Variants in NRG1 observed in about 807,000 individuals in gnomAD.
NRG1 encodes the protein pro-neuregulin-1, membrane-bound isoform.
In NRG1, 18 loss-of-function variants were observed where a neutral mutation model predicts 63.8. That is an observed-to-expected ratio of 0.28 (90% confidence interval 0.19 to 0.42). NRG1 has a LOEUF of 0.42. Ranked by LOEUF, NRG1 falls within the 10% of genes least tolerant of loss-of-function variation. The pLI, the probability that NRG1 is intolerant of heterozygous loss-of-function variation, is 1.00. For synonymous variants in NRG1, 302 were observed against 301.3 expected, an observed-to-expected ratio of 1.00 and a Z score of -0.02; for missense variants, 762 against 814.7, an observed-to-expected ratio of 0.94 and a Z score of 0.79.
chr8:31,991,216 C>T (rs1811006590), intron 1 of NRG1, among the ~76,000 whole-genome samples: 1 of 151,878 alleles, frequency 6.6e-6, no homozygotes, highest in South Asian at 2.1e-4. Flanking sequence ...TAAACAAAGT[C>T]CCCCTCCTAC....
intron 1 of NRG1, among the ~76,000 whole-genome samples, chr8:32,463,835 G>A (rs118081648): frequency 0.021 from 2,698 of 129,442 alleles, 36 homozygotes; most frequent in Middle Eastern, 0.072. Context: ...AGCAAAGCAA[G>A]ACCATCTTCA....
intron 1 of NRG1, among the ~76,000 whole-genome samples, chr8:32,420,637 G>A (rs1683935728): frequency 1.3e-5 from 2 of 151,848 alleles, no homozygotes; most frequent in African/African-American, 2.4e-5. Context: ...TCCCATCAAT[G>A]GATGTGGAGT....
At chr8:32,689,712 T>C (rs1439848808) in intron 5 of NRG1, among the ~76,000 whole-genome samples, 1 of 152,034 alleles carries the variant, frequency 6.6e-6, no homozygotes, top group Non-Finnish European at 1.5e-5. Flanking sequence ...CATATACATA[T>C]TTATACATAT....
Position 32,549,620 on chromosome 8 carries a change from T to C in NRG1, c.100+794T>C, listed in dbSNP as rs1251610551. On this transcript the variant is annotated intron_variant, in intron 1 of 11. Coordinates refer to ENST00000356819, the Ensembl canonical transcript of NRG1. ...CGTTTATCTGAATTTTTGAACCCAA[T>C]TGTTTGCTGGTTATCTATATAATAA... 3.9e-5 allele frequency among the ~76,000 whole-genome samples: 6 copies of C among 152,198 alleles called. No individual in the cohort carries two copies. In the East Asian group the frequency reaches 1.2e-3, roughly 29 times the overall value.
intron 1 of NRG1, among the ~76,000 whole-genome samples, chr8:31,954,525 C>A (rs1204169441): frequency 6.6e-6 from 1 of 152,156 alleles, no homozygotes; most frequent in Non-Finnish European, 1.5e-5. Context: ...TTGCATTAAA[C>A]CTCTCCTGCT....
chr8:32,740,190 CTTTTTTTTTTTT>C (rs35219061), intron 6 of NRG1, among the ~76,000 whole-genome samples: 1 of 92,516 alleles, frequency 1.1e-5, no homozygotes, highest in South Asian at 4.2e-4. Flanking sequence ...GACCCAACCT[CTTTTTTTTTTTT>C]TTTTTTTTTT....
In NRG1 at chr8:32,630,770, G is replaced by A. The variant is rs1850138290; in HGVS notation, c.502+13885G>A. The stretch of plus-strand genomic sequence containing the variant: ...CAGGCAAGATGGCATTCTCATCCCT[G>A]CTGTTGTTAACATTTAAAGCATGCA... On this transcript the variant is annotated intron_variant, in intron 5 of 11. Transcript: ENST00000356819. 2.7e-5 allele frequency among the ~76,000 whole-genome samples: 4 copies of A among 146,578 alleles called. No homozygotes were observed. The Admixed American group carries it at 2.7e-4, about 10-fold the overall frequency.
intron 1 of NRG1, among the ~76,000 whole-genome samples, chr8:31,840,339 T>C (rs1364319538): frequency 1.5e-5 from 2 of 129,200 alleles, no homozygotes; most frequent in Non-Finnish European, 3.2e-5. Flanking sequence ...TCAAATGTGC[T>C]ATTCTCTGTC....
intron 1 of NRG1, among the ~76,000 whole-genome samples, chr8:31,683,619 GCATGT>G (rs1408316783): frequency 6.6e-6 from 1 of 152,116 alleles, no homozygotes; most frequent in Non-Finnish European, 1.5e-5. Flanking sequence ...AATGATGGAT[GCATGT>G]CATTATACAT....
At chr8:31,769,402 G>A (rs555358463) in intron 1 of NRG1, among the ~76,000 whole-genome samples, 1 of 152,152 alleles carries the variant, frequency 6.6e-6, no homozygotes, top group Non-Finnish European at 1.5e-5. Flanking sequence ...TTTCAAGAGG[G>A]CATGGCTTCT....
rs1393233120 is a variant in NRG1, at chr8:31,917,216, C to A, written c.37+277785C>A. ...CAGAAGCTCTTTAGTTTAATTAGAT[C>A]CCATTTGTCAATTTTGGCTTTTGTT... On this transcript the variant is annotated intron_variant, in intron 1 of 10. Coordinates refer to the NRG1 transcript ENST00000519301. Among the ~76,000 whole-genome samples the A allele has an allele frequency of 2.7e-5, 3 of 110,758 alleles. No individual in the cohort carries two copies. The East Asian group carries it at 1.1e-3, about 39-fold the overall frequency. The allele number at this position is 110,758 out of a possible 152,430, so 72.7% of individuals were successfully genotyped here. A position where few individuals can be genotyped will look rare whatever the true frequency, so the allele number is the denominator to read the frequency against.
At chr8:32,748,493 T>C (rs897897088) in intron 7 of NRG1, among the ~76,000 whole-genome samples, 18 of 152,148 alleles carry the variant, frequency 1.2e-4, no homozygotes, top group African/African-American at 4.3e-4. Flanking sequence ...TTTTATTTTT[T>C]TTATTTTTTT....
chr8:31,764,873 A>G (rs538409646), intron 1 of NRG1, among the ~76,000 whole-genome samples: 34 of 143,774 alleles, frequency 2.4e-4, no homozygotes, highest in African/African-American at 6.9e-4. Context: ...ATATCTCCCA[A>G]TGCTATCCCT....
chr8:32,568,415 C>T (rs992273306), intron 1 of NRG1, among the ~76,000 whole-genome samples: 5 of 152,276 alleles, frequency 3.3e-5, no homozygotes, highest in African/African-American at 1.2e-4. Context: ...AATTTAAAAT[C>T]ATCAGGCTTA....
intron 5 of NRG1, among the ~76,000 whole-genome samples, chr8:32,712,527 C>T (rs1004067728): frequency 6.6e-6 from 1 of 152,140 alleles, no homozygotes; most frequent in African/African-American, 2.4e-5. Context: ...TAAATTATGT[C>T]TGGAGAATTA....
intron 1 of NRG1, among the ~76,000 whole-genome samples, chr8:32,379,166 CT>C (rs143868496): frequency 0.15 from 23,002 of 151,920 alleles, 1,781 homozygotes; most frequent in African/African-American, 0.19. Context: ...TCCAAATATT[CT>C]TAGGTTCACC....
chr8:32,340,254 C>T (rs1276867538), intron 1 of NRG1, among the ~76,000 whole-genome samples: 1 of 152,184 alleles, frequency 6.6e-6, no homozygotes, highest in Non-Finnish European at 1.5e-5. Flanking sequence ...TACACACACA[C>T]ACTTTTAGCT....
At chr8:32,345,741 G>A (rs1368513774) in intron 1 of NRG1, among the ~76,000 whole-genome samples, 1 of 152,082 alleles carries the variant, frequency 6.6e-6, no homozygotes, top group East Asian at 1.9e-4. Context: ...AGACTGAGGC[G>A]GGTGGATCAT....
At chr8:32,078,793 G>C (rs1011618479) in intron 1 of NRG1, among the ~76,000 whole-genome samples, 1 of 152,016 alleles carries the variant, frequency 6.6e-6, no homozygotes, top group Non-Finnish European at 1.5e-5. Flanking sequence ...CTCCTGTTTA[G>C]TTCCATGAAT....
Sources: allele counts gnomAD v4.1 joint callset (sites outside exome capture counted in the v4.1 genomes callset), GRCh38; gene constraint gnomAD v4.1.1; transcripts MANE v1.5; gene names NCBI Gene and HGNC (gene_info 2026-07-23, HGNC 2026-07-21).